ERC1: variants seen among roughly 807,000 people sequenced by gnomAD.
The protein encoded by ERC1 is RAB6 interacting protein 2.
In ERC1, 56 loss-of-function variants were observed where a neutral mutation model predicts 132.0. That is an observed-to-expected ratio of 0.42 (90% CI 0.34 to 0.53). ERC1 has a LOEUF of 0.53. ERC1 is among the 20% of genes least tolerant of loss of function. The pLI is 0.03. For synonymous variants in ERC1, 478 were observed against 476.1 expected, an observed-to-expected ratio of 1.00 and a Z score of -0.05; for missense variants, 1,202 against 1,349.9, an observed-to-expected ratio of 0.89 and a Z score of 1.72.
intron 12 of ERC1, among the ~76,000 whole-genome samples, chr12:1,233,470 CAAAAAAAA>C (rs60542316): frequency 1.4e-5 from 1 of 71,502 alleles, no homozygotes; most frequent in Non-Finnish European, 2.7e-5. Context: ...GACCCTGTCT[CAAAAAAAA>C]AAAAAAAAAA....
intron 14 of ERC1, among the ~76,000 whole-genome samples, chr12:1,269,452 A>AT (rs1166565147): frequency 2.0e-5 from 3 of 152,184 alleles, no homozygotes; most frequent in Non-Finnish European, 4.4e-5. Context: ...GAAGACTAAT[A>AT]TGACTGGCGG....
In ERC1 at chr12:1,495,350, T is replaced by C. The variant is rs1046475; in HGVS notation, c.*5120T>C. On this transcript the variant is annotated 3_prime_UTR_variant, in exon 19 of 19. Transcript: ENST00000360905. ...TTTCCCTTTGAGCTTTTTTAGACCCTAGATCTCCTAGGCCCAGGCTCTCTC... is the reference window on the plus strand; with the variant it reads ...TTTCCCTTTGAGCTTTTTTAGACCCCAGATCTCCTAGGCCCAGGCTCTCTC... 117,477 of 227,708 alleles carry C rather than the reference T, an allele frequency of 0.52. 33,448 individuals are homozygous for C. Among genetic ancestry groups the C allele is most frequent in the Non-Finnish European group, 0.63 (72,329 of 114,662 alleles). The allele number at this position is 227,708 out of a possible 1,614,324, so 14.1% of individuals were successfully genotyped here.
At position 1,392,553 on chromosome 12, in the gene ERC1, T is replaced by C. The variant is rs1367714357; in HGVS notation, c.2926-15596T>C. Among the ~76,000 whole-genome samples the C allele has an allele frequency of 2.6e-5, 4 of 152,310 alleles. No homozygotes were observed. In the East Asian group the frequency reaches 7.7e-4, roughly 29 times the overall value. ...ACCATACCTCTGGCAGCAGTTGAGCTTTGATGTCTAGTATCATTACTTTAT... is the reference window on the plus strand; with the variant it reads ...ACCATACCTCTGGCAGCAGTTGAGCCTTGATGTCTAGTATCATTACTTTAT... On this transcript the variant is annotated intron_variant, in intron 16 of 18. Coordinates refer to ENST00000360905, the MANE Select transcript of ERC1 (RefSeq NM_178040.4).
chr12:1,028,163 G>A lies in ERC1; in HGVS notation c.260G>A (p.Ser87Asn), dbSNP rs1225265599. 6.2e-7 allele frequency: 1 copy of A among 1,614,174 alleles called. No homozygotes were observed. Among genetic ancestry groups the A allele is most frequent in the Non-Finnish European group, 8.5e-7 (1 of 1,180,028 alleles). Reference protein sequence around the residue: ...HENVGSETPKSTMTLGRSGGR... With the variant: ...HENVGSETPKNTMTLGRSGGR... ...AATGTGGGTTCAGAAACACCTAAAA[G>A]CACCATGACACTTGGCCGTTCTGGG... Residue 87 changes from serine (S) to asparagine (N), a missense_variant, in exon 2 of 19, where the codon AGC (serine) becomes AAC (asparagine). Physicochemically the swap from Ser to Asn is conservative, Grantham distance 46. Coordinates refer to ENST00000360905, the MANE Select transcript of ERC1 (RefSeq NM_178040.4).
At chr12:1,336,603 G>T (rs191304728) in intron 15 of ERC1, among the ~76,000 whole-genome samples, 1 of 152,070 alleles carries the variant, frequency 6.6e-6, no homozygotes, top group Non-Finnish European at 1.5e-5. Flanking sequence ...ATCATGCTGC[G>T]GTCTGAGAGA....
At position 1,078,281 on chromosome 12, in the gene ERC1, A is replaced by G. The variant is rs551936067; in HGVS notation, c.670-4883A>G. ...CTCAGGAGTGTCAGGATTTTTTTTG[A>G]CTTCCAAGGGAAAGAAACTAGGCTT... On this transcript the variant is annotated intron_variant, in intron 2 of 18. Transcript: ENST00000360905. 1.1e-3 allele frequency among the ~76,000 whole-genome samples: 162 copies of G among 152,128 alleles called. 1 individual carries two copies. Among genetic ancestry groups the G allele is most frequent in the Non-Finnish European group, 4.7e-4 (32 of 67,970 alleles).
At chr12:1,260,861 T>G (rs73027458) in intron 13 of ERC1, among the ~76,000 whole-genome samples, 3,196 of 152,350 alleles carry the variant, frequency 0.021, 61 homozygotes, top group South Asian at 0.058. Flanking sequence ...AGCCATTTCC[T>G]TTTATTTGTA....
In ERC1 at chr12:1,224,245, G is replaced by T. The variant is rs74975678; in HGVS notation, c.2352-12524G>T. 2.8e-4 allele frequency among the ~76,000 whole-genome samples: 42 copies of T among 152,214 alleles called. No individual in the cohort carries two copies. The East Asian group carries it at 7.9e-3, about 29-fold the overall frequency. The stretch of plus-strand genomic sequence containing the variant: ...ACTATGCATACATTCATAAAACCAT[G>T]TGCATGCACACACACACGTACACAG... On this transcript the variant is annotated intron_variant, in intron 12 of 18. Transcript: ENST00000360905.
At position 1,036,532 on chromosome 12, in the gene ERC1, G is replaced by A. The variant is rs545609618; in HGVS notation, c.669+7960G>A. 3.0e-4 allele frequency among the ~76,000 whole-genome samples: 45 copies of A among 152,010 alleles called. 2 individuals carry two copies. The highest frequency in any genetic ancestry group is 2.8e-3 in the Admixed American group (43 of 15,262). On this transcript the variant is annotated intron_variant, in intron 2 of 18. Coordinates refer to ENST00000360905, the MANE Select transcript of ERC1 (RefSeq NM_178040.4). ...TGGAACTGCAGGTGCACGCCACCAC[G>A]CCCGGCTAATTTTTTGTATTTTTAG...
At chr12:1,446,397 A>G (rs1473833649) in intron 18 of ERC1, among the ~76,000 whole-genome samples, 1 of 152,184 alleles carries the variant, frequency 6.6e-6, no homozygotes, top group Non-Finnish European at 1.5e-5. Context: ...TTTTGCTCCT[A>G]GTTTACTGAT....
chr12:1,189,489 C>CT (rs910795531), intron 11 of ERC1, among the ~76,000 whole-genome samples: 5 of 152,302 alleles, frequency 3.3e-5, no homozygotes, highest in Admixed American at 6.5e-5. Context: ...GCTATACGAT[C>CT]AGCAGTGAGT....
At chr12:1,093,449 T>C (rs1943511942) in intron 3 of ERC1, among the ~76,000 whole-genome samples, 1 of 152,134 alleles carries the variant, frequency 6.6e-6, no homozygotes, top group Non-Finnish European at 1.5e-5. Context: ...GGCCCCAACT[T>C]TGGTTTTCAG....
At chr12:1,227,937 A>G (rs2074719842) in intron 12 of ERC1, among the ~76,000 whole-genome samples, 2 of 152,176 alleles carry the variant, frequency 1.3e-5, no homozygotes, top group African/African-American at 4.8e-5. Flanking sequence ...TGTTCTTGGC[A>G]TCTTTATCAA....
intron 18 of ERC1, among the ~76,000 whole-genome samples, chr12:1,482,477 G>A (rs572211025): frequency 2.2e-4 from 34 of 151,962 alleles, no homozygotes; most frequent in African/African-American, 8.0e-4. Flanking sequence ...ATGGAGTTTC[G>A]CTCTTGTCTC....
At chr12:1,299,705 G>A (rs1350544744) in intron 15 of ERC1, among the ~76,000 whole-genome samples, 1 of 151,854 alleles carries the variant, frequency 6.6e-6, no homozygotes, top group African/African-American at 2.4e-5. Flanking sequence ...TCATAACCGG[G>A]TTCTTTAAAG....
At chr12:1,282,883 C>T (rs1180249880) in intron 14 of ERC1, among the ~76,000 whole-genome samples, 1 of 152,132 alleles carries the variant, frequency 6.6e-6, no homozygotes, top group East Asian at 1.9e-4. Context: ...TGTACCACTC[C>T]CTTTTTCTTC....
intron 7 of ERC1, among the ~76,000 whole-genome samples, chr12:1,138,467 GA>G (rs943222792): frequency 4.7e-5 from 7 of 148,288 alleles, no homozygotes; most frequent in African/African-American, 1.2e-4. Flanking sequence ...TCTATAAGTA[GA>G]AAAAAAAGTG....
At chr12:1,139,813 G>A (rs567426047) in intron 7 of ERC1, among the ~76,000 whole-genome samples, 54 of 152,070 alleles carry the variant, frequency 3.6e-4, no homozygotes, top group African/African-American at 1.2e-3. Context: ...AAAAAAGAAG[G>A]ACGATAGATC....
chr12:1,212,953 TA>T (rs1202059496), intron 12 of ERC1, among the ~76,000 whole-genome samples: 1 of 152,218 alleles, frequency 6.6e-6, no homozygotes, highest in Non-Finnish European at 1.5e-5. Context: ...AGTGAATATG[TA>T]AAAAACTTAG....
Sources: allele counts gnomAD v4.1 joint callset (sites outside exome capture counted in the v4.1 genomes callset), GRCh38; gene constraint gnomAD v4.1.1; transcripts MANE v1.5; gene names NCBI Gene and HGNC (gene_info 2026-07-23, HGNC 2026-07-21).